GYS2: variants seen among roughly 807,000 people sequenced by gnomAD.
The protein encoded by GYS2 is glycogen synthase 2.
A neutral mutation model predicts 85.6 loss-of-function variants in GYS2; 80 were observed. That is an observed-to-expected ratio of 0.93 (90% CI 0.78 to 1.13). GYS2 has a LOEUF of 1.13. Among genes scored for constraint, GYS2 ranks in the 50% most tolerant of loss-of-function variants. GYS2 has a pLI of 0.00. For missense variants in GYS2, 881 were observed against 854.9 expected, an observed-to-expected ratio of 1.03 and a Z score of -0.38; for synonymous variants, 328 against 300.7, an observed-to-expected ratio of 1.09 and a Z score of -0.94.
chr12:21,594,427 T>C (rs11522783), intron 1 of GYS2, among the ~76,000 whole-genome samples: 7,713 of 152,124 alleles, frequency 0.051, 260 homozygotes, highest in Non-Finnish European at 0.07. Context: ...AATCAGCATA[T>C]GAAACAAGCA....
At position 21,568,898 on chromosome 12, in the gene GYS2, T is replaced by C; in HGVS notation, c.790A>G (p.Ile264Val). ...CTCTTCAGCATATGTTCAGCTTCTA[T>C]TGCTGTTATTTCAGAAACCGTGGTG... The part of the protein sequence containing the change: ...VFTTVSEITA[I>V]EAEHMLKRKP... The change falls in exon 5 of 16, where the codon ATA (isoleucine) becomes GTA (valine). Residue 264 changes from isoleucine to valine, a missense_variant. Transcript: ENST00000261195. 2 of 1,613,534 alleles carry C rather than the reference T, an allele frequency of 1.2e-6. No homozygotes were observed. The highest frequency in any genetic ancestry group is 1.7e-6 in the Non-Finnish European group (2 of 1,179,416).
In GYS2 at chr12:21,568,922, T is replaced by A; in HGVS notation, c.766A>T (p.Thr256Ser). Residue 256 changes from threonine to serine, a missense_variant, in exon 5 of 16, where the codon ACC becomes TCC. Transcript: ENST00000261195. ...ATTGCTGTTATTTCAGAAACCGTGG[T>A]GAACACGTGAGCGCAATGAACGGAA... The part of the protein sequence containing the change: ...RASVHCAHVF[T>S]TVSEITAIEA... 1.2e-6 allele frequency: 2 copies of A among 1,613,578 alleles called. No homozygotes were observed. The highest frequency in any genetic ancestry group is 1.7e-6 in the Non-Finnish European group (2 of 1,179,444).
intron 11 of GYS2, among the ~76,000 whole-genome samples, chr12:21,551,921 C>G (rs1944115510): frequency 6.6e-6 from 1 of 152,156 alleles, no homozygotes; most frequent in Non-Finnish European, 1.5e-5. Context: ...AAGTTGCCCT[C>G]TCCAAAGCCC....
At chr12:21,565,398 TATATATA>T in intron 5 of GYS2, among the ~76,000 whole-genome samples, 2 of 47,486 alleles carry the variant, frequency 4.2e-5, no homozygotes, top group Middle Eastern at 0.017. Flanking sequence ...GAAATATATA[TATATATA>T]TATATATATA....
At chr12:21,538,572 A>T (rs1252823069) in intron 15 of GYS2, among the ~76,000 whole-genome samples, 3 of 152,116 alleles carry the variant, frequency 2.0e-5, no homozygotes, top group African/African-American at 7.2e-5. Flanking sequence ...TCTCATTTGC[A>T]ATGGTATGGG....
intron 11 of GYS2, among the ~76,000 whole-genome samples, chr12:21,552,729 A>G (rs540580897): frequency 3.9e-5 from 6 of 152,304 alleles, no homozygotes; most frequent in African/African-American, 9.6e-5. Flanking sequence ...CACTCACCCT[A>G]TGAAAGTCAT....
chr12:21,558,584 T>C (rs1565598367), intron 10 of GYS2, among the ~76,000 whole-genome samples: 1 of 152,178 alleles, frequency 6.6e-6, no homozygotes, highest in Non-Finnish European at 1.5e-5. Context: ...CCGGGACTTA[T>C]TTGGAATATA....
intron 5 of GYS2, among the ~76,000 whole-genome samples, chr12:21,567,248 G>A (rs1297636098): frequency 1.3e-5 from 2 of 152,158 alleles, no homozygotes; most frequent in Non-Finnish European, 2.9e-5. Context: ...GGAGAAAGGA[G>A]GAGATGGTAT....
At chr12:21,541,278 AAAAAAAAAAAAAAC>A (rs1351337707) in intron 13 of GYS2, among the ~76,000 whole-genome samples, 59 of 138,688 alleles carry the variant, frequency 4.3e-4, no homozygotes, top group African/African-American at 1.4e-3. Context: ...CAAAAAAAAA[AAAAAAAAAAAAAAC>A]AAAAAACCCA....
At chr12:21,580,096 T>G (rs1944492063) in intron 2 of GYS2, among the ~76,000 whole-genome samples, 1 of 152,212 alleles carries the variant, frequency 6.6e-6, no homozygotes, top group South Asian at 2.1e-4. Flanking sequence ...TATGTACAAA[T>G]GACTTCCTCA....
At position 21,604,807 on chromosome 12, in the gene GYS2, G is replaced by A; in HGVS notation, c.-215C>T. 2 of 1,334,282 alleles carry A rather than the reference G, an allele frequency of 1.5e-6. No homozygotes were observed. The allele number at this position is 1,334,282 out of a possible 1,614,324, so 82.7% of individuals were successfully genotyped here. ...TCTTCCTCCTCTTTCTCGTCTTTCT[G>A]GGCAGGTATTGTGAGGACGGTATCT... On this transcript the variant is annotated 5_prime_UTR_variant, in exon 1 of 16. Transcript: ENST00000261195.
chr12:21,551,164 C>G (rs1037506000), intron 11 of GYS2, among the ~76,000 whole-genome samples: 1 of 109,162 alleles, frequency 9.2e-6, no homozygotes. Flanking sequence ...TCCCCCCTCC[C>G]CCCACCCCAC....
chr12:21,588,525 T>C (rs111386190), intron 1 of GYS2, among the ~76,000 whole-genome samples: 11 of 152,210 alleles, frequency 7.2e-5, no homozygotes, highest in African/African-American at 2.7e-4. Flanking sequence ...AATTTTCATA[T>C]GAGTCTACAC....
chr12:21,554,622 G>A (rs532877863), intron 11 of GYS2, among the ~76,000 whole-genome samples: 11 of 152,232 alleles, frequency 7.2e-5, no homozygotes, highest in Middle Eastern at 3.4e-3. Flanking sequence ...AAAGTGTCTC[G>A]AGAATACAGA....
At chr12:21,571,175 A>T (rs1338454633) in intron 4 of GYS2, among the ~76,000 whole-genome samples, 1 of 152,182 alleles carries the variant, frequency 6.6e-6, no homozygotes, top group Non-Finnish European at 1.5e-5. Flanking sequence ...GCCTTGGGGA[A>T]GTCGGGTGGG....
chr12:21,601,596 G>A (rs1214284056), intron 1 of GYS2, among the ~76,000 whole-genome samples: 1 of 152,080 alleles, frequency 6.6e-6, no homozygotes, highest in East Asian at 1.9e-4. Context: ...CTCATCATTA[G>A]AGAGGTTTTT....
At chr12:21,560,675 T>C (rs1253957692) in intron 7 of GYS2, among the ~76,000 whole-genome samples, 183 bp from the exon 8 acceptor site, 1 of 152,204 alleles carries the variant, frequency 6.6e-6, no homozygotes, top group Non-Finnish European at 1.5e-5. Flanking sequence ...TTAATTAAAA[T>C]CAAAATAAAT....
At chr12:21,591,294 C>A (rs551792127) in intron 1 of GYS2, among the ~76,000 whole-genome samples, 3 of 151,878 alleles carry the variant, frequency 2.0e-5, no homozygotes, top group African/African-American at 7.3e-5. Flanking sequence ...GAGATAGATA[C>A]AACAAGAATG....
chr12:21,598,210 T>A (rs1388114572), intron 1 of GYS2, among the ~76,000 whole-genome samples: 2 of 152,126 alleles, frequency 1.3e-5, no homozygotes, highest in Non-Finnish European at 2.9e-5. Context: ...CTTGAAATGT[T>A]CCTAACACAT....
Sources: allele counts gnomAD v4.1 joint callset (sites outside exome capture counted in the v4.1 genomes callset), GRCh38; gene constraint gnomAD v4.1.1; transcripts MANE v1.5; gene names NCBI Gene and HGNC (gene_info 2026-07-23, HGNC 2026-07-21).